The following ATP11A variants were observed in gnomAD, a reference collection of about 807,000 sequenced individuals.
ATP11A encodes phospholipid-transporting ATPase IH.
In ATP11A, 81 loss-of-function variants were observed where a neutral mutation model predicts 154.4. That is an observed-to-expected ratio of 0.52 (90% CI 0.44 to 0.63). The LOEUF is 0.63. Ranked by LOEUF, ATP11A falls within the 30% of genes least tolerant of loss-of-function variation. ATP11A has a pLI of 0.00. For missense variants in ATP11A, 1,316 were observed against 1,474.3 expected (o/e 0.89, Z 1.76); for synonymous variants, 623 against 585.9 (o/e 1.06, Z -0.91).
At chr13:112,834,547 C>T in intron 14 of ATP11A, 42 bp from the exon 15 acceptor site, 1 of 1,316,818 alleles carries the variant, frequency 7.6e-7, no homozygotes, top group Non-Finnish European at 1.1e-6. Flanking sequence ...AGAGGAACAT[C>T]AGAATCTCAG....
chr13:112,730,452 G>A (rs1416984975), intron 1 of ATP11A, among the ~76,000 whole-genome samples: 3 of 152,316 alleles, frequency 2.0e-5, no homozygotes, highest in Non-Finnish European at 4.4e-5. Context: ...CGTGGCTGGC[G>A]TGTGATGTGA....
intron 1 of ATP11A, among the ~76,000 whole-genome samples, chr13:112,691,777 G>A (rs1249777038): frequency 1.3e-5 from 2 of 152,116 alleles, no homozygotes; most frequent in African/African-American, 2.4e-5. Context: ...AGTGGGGGAT[G>A]CCAGATCAAT....
intron 1 of ATP11A, among the ~76,000 whole-genome samples, chr13:112,736,031 C>T (rs1432160871): frequency 1.3e-5 from 2 of 152,160 alleles, no homozygotes; most frequent in Admixed American, 6.5e-5. Context: ...GGGCCTCCTC[C>T]CGTGCCTTTG....
At chr13:112,733,759 G>A (rs1033805890) in intron 1 of ATP11A, among the ~76,000 whole-genome samples, 11 of 152,206 alleles carry the variant, frequency 7.2e-5, no homozygotes, top group African/African-American at 2.4e-4. Flanking sequence ...AATATATTAA[G>A]TTTATCCTAT....
intron 1 of ATP11A, among the ~76,000 whole-genome samples, chr13:112,780,119 G>A (rs2077461610): frequency 1.5e-5 from 2 of 136,302 alleles, no homozygotes; most frequent in Middle Eastern, 3.6e-3. Context: ...TGCAAACCAT[G>A]CATGCCTTTC....
At chr13:112,691,538 C>T (rs1389148493) in intron 1 of ATP11A, among the ~76,000 whole-genome samples, 1 of 149,928 alleles carries the variant, frequency 6.7e-6, no homozygotes, top group Non-Finnish European at 1.5e-5. Flanking sequence ...CCAAGCACAG[C>T]GTTTCCTGCC....
chr13:112,718,671 C>CT (rs35646090), intron 1 of ATP11A, among the ~76,000 whole-genome samples: 108,353 of 134,568 alleles, frequency 0.81, 45,270 homozygotes, highest in East Asian at 0.97. Flanking sequence ...GCAGGCTGCA[C>CT]TTTTTTTTTT....
At chr13:112,722,392 A>C (rs1889307185) in intron 1 of ATP11A, among the ~76,000 whole-genome samples, 1 of 152,174 alleles carries the variant, frequency 6.6e-6, no homozygotes, top group Admixed American at 6.5e-5. Context: ...TGAAAGACTT[A>C]TCAGTAGAAA....
chr13:112,815,844 A>T (rs569403862), intron 5 of ATP11A, among the ~76,000 whole-genome samples: 2 of 152,210 alleles, frequency 1.3e-5, no homozygotes, highest in African/African-American at 4.8e-5. Context: ...TGAATCAAAG[A>T]TAACCTTGTT....
At chr13:112,712,201 C>T (rs1015335293) in intron 1 of ATP11A, among the ~76,000 whole-genome samples, 5 of 152,192 alleles carry the variant, frequency 3.3e-5, no homozygotes, top group African/African-American at 4.8e-5. Context: ...TTTTGCTTCA[C>T]GGTGAAATGT....
rs189805787 is a variant in ATP11A at position 112,723,444 on chromosome 13, G to A, written c.39+32989G>A. Among the ~76,000 whole-genome samples the A allele has an allele frequency of 2.1e-4, 31 of 148,228 alleles. No individual in the cohort carries two copies. In the East Asian group the frequency reaches 3.9e-3, roughly 18 times the overall value. On this transcript the variant is annotated intron_variant, in intron 1 of 29. Transcript: ENST00000375645. Reference sequence around the variant, plus strand: ...ACACCACCACACCTGACTAACTTTTGTACTTTTAGTAGAGACGGGGTTTCA... The same window carrying A: ...ACACCACCACACCTGACTAACTTTTATACTTTTAGTAGAGACGGGGTTTCA...
intron 1 of ATP11A, among the ~76,000 whole-genome samples, chr13:112,710,844 C>T (rs1233019569): frequency 6.6e-6 from 1 of 152,238 alleles, no homozygotes; most frequent in Non-Finnish European, 1.5e-5. Flanking sequence ...ACTATCATCC[C>T]TGCAGGGAGA....
At chr13:112,813,315 C>G (rs978579279) in intron 5 of ATP11A, among the ~76,000 whole-genome samples, 2 of 152,054 alleles carry the variant, frequency 1.3e-5, no homozygotes, top group African/African-American at 4.8e-5. Context: ...GATGTGCTGC[C>G]CAGCTCTAAG....
rs2080268695 is a variant in ATP11A, at chr13:112,864,911, ATCACCACC to A, written c.2991+2338_2991+2345del. ...CCTGCGCAGCTTCCCAGCGGGGTCC[ATCACCACC>A]TGCGCAGTAATTCAGTGCGGCCCAT... On this transcript the variant is annotated intron_variant, in intron 25 of 29. Coordinates refer to ENST00000375645, the MANE Select transcript of ATP11A (RefSeq NM_015205.3). 1.2e-4 allele frequency among the ~76,000 whole-genome samples: 7 copies of A among 57,390 alleles called. No homozygotes were observed. The Admixed American group carries it at 1.7e-3, about 14-fold the overall frequency. The allele number at this position is 57,390 out of a possible 152,430, so 37.7% of individuals were successfully genotyped here.
At chr13:112,816,632 A>G (rs1415255291) in intron 6 of ATP11A, among the ~76,000 whole-genome samples, 1 of 152,172 alleles carries the variant, frequency 6.6e-6, no homozygotes, top group Non-Finnish European at 1.5e-5. Flanking sequence ...CTCTGAGCCC[A>G]GCACGCTCTT....
rs560409466 is a variant in ATP11A at position 112,836,112 on chromosome 13, C to T, written c.1632-66C>T. On this transcript the variant is annotated intron_variant, in intron 15 of 29. Coordinates refer to ENST00000375645, the MANE Select transcript of ATP11A (RefSeq NM_015205.3). ...AGCCATTCTGCTGTGGAGAGCTCCACAGTTACCAGATGGAATCACGTGAGC... is the reference window on the plus strand; with the variant it reads ...AGCCATTCTGCTGTGGAGAGCTCCATAGTTACCAGATGGAATCACGTGAGC... 1.3e-5 allele frequency: 16 copies of T among 1,220,988 alleles called. No homozygotes were observed. In the Admixed American group the frequency reaches 1.8e-4, roughly 14 times the overall value. The allele number at this position is 1,220,988 out of a possible 1,614,324, so 75.6% of individuals were successfully genotyped here.
In ATP11A at chr13:112,871,847, C is replaced by G. The variant is rs764403682; in HGVS notation, c.3057+47C>G. Reference sequence around the variant, plus strand: ...TTCCTCCCCCAGCCACAGTGAACCCCTGCAGTGTAGGCCTCACGCGCTCTG... The same window carrying G: ...TTCCTCCCCCAGCCACAGTGAACCCGTGCAGTGTAGGCCTCACGCGCTCTG... On this transcript the variant is annotated intron_variant, in intron 26 of 29. Coordinates refer to ENST00000375645, the MANE Select transcript of ATP11A (RefSeq NM_015205.3). The G allele has an allele frequency of 5.1e-6, 8 of 1,565,982 alleles. No homozygotes were observed. In the Admixed American group the frequency reaches 1.3e-4, roughly 26 times the overall value.
intron 1 of ATP11A, among the ~76,000 whole-genome samples, chr13:112,742,709 G>A (rs1051306758): frequency 1.3e-5 from 2 of 152,178 alleles, no homozygotes; most frequent in Non-Finnish European, 2.9e-5. Context: ...CGTGTGTGAC[G>A]GCCGGCCTTC....
At position 112,753,317 on chromosome 13, in the gene ATP11A, A is replaced by G. The variant is rs534293145; in HGVS notation, c.40-31818A>G. On this transcript the variant is annotated intron_variant, in intron 1 of 29. Transcript: ENST00000375645. The surrounding 1 kb of genome is among the most constrained non-coding windows in gnomAD (Gnocchi z 4.1). ...AGTGCTGCAGATGCCTTGTGAGTAC[A>G]TCAGCTATATTTCTGCGAGGACAGC... Among the ~76,000 whole-genome samples, 28 of 152,320 alleles carry G rather than the reference A, an allele frequency of 1.8e-4. No individual in the cohort carries two copies. Among genetic ancestry groups the G allele is most frequent in the African/African-American group, 6.0e-4 (25 of 41,562 alleles).
Sources: gnomAD v4.1 joint callset for allele counts (sites outside exome capture counted in the v4.1 genomes callset) on GRCh38, gnomAD v4.1.1 for gene constraint, Gnocchi (gnomAD v3.1) non-coding constraint, MANE v1.5 for transcripts, NCBI Gene and HGNC (gene_info 2026-07-23, HGNC 2026-07-21) for gene names.